PKNOX2: variants seen among roughly 807,000 people sequenced by gnomAD.
PKNOX2 encodes PBX/knotted 1 homeobox 2, also known as homeobox protein PKNOX2.
Under a neutral mutation model 53.1 loss-of-function variants are expected in PKNOX2, and 14 were observed. That is an observed-to-expected ratio of 0.26 (90% confidence interval 0.17 to 0.41). The LOEUF (loss-of-function observed/expected upper bound fraction) is 0.41. Ranked by LOEUF, PKNOX2 falls within the 10% of genes least tolerant of loss-of-function variation. The pLI, the probability that PKNOX2 is intolerant of heterozygous loss-of-function variation, is 1.00. For missense variants in PKNOX2, 496 were observed against 602.8 expected, an observed-to-expected ratio of 0.82 and a Z score of 1.85; for synonymous variants, 257 against 242.8, an observed-to-expected ratio of 1.06 and a Z score of -0.54.
chr11:125,406,908 A>C (rs917799661), intron 7 of PKNOX2, among the ~76,000 whole-genome samples: 1 of 137,886 alleles, frequency 7.3e-6, no homozygotes, highest in African/African-American at 2.8e-5. Flanking sequence ...GGCCCTGAGA[A>C]TCTATGTCTA....
At chr11:125,213,686 G>A (rs1176653919) in intron 1 of PKNOX2, among the ~76,000 whole-genome samples, 1 of 152,060 alleles carries the variant, frequency 6.6e-6, no homozygotes. Context: ...TTGAACTCTT[G>A]GGCTCAAGTG....
At chr11:125,310,726 G>T (rs1365869061) in intron 2 of PKNOX2, among the ~76,000 whole-genome samples, 1 of 151,972 alleles carries the variant, frequency 6.6e-6, no homozygotes, top group African/African-American at 2.4e-5. Context: ...CATACTCCAA[G>T]ATATAATTTG....
chr11:125,274,674 C>T (rs1024508455), intron 2 of PKNOX2, among the ~76,000 whole-genome samples: 4 of 152,230 alleles, frequency 2.6e-5, no homozygotes. Context: ...AGGCCCAGGC[C>T]AGGACGCTGG....
At chr11:125,411,082 G>A in intron 9 of PKNOX2, 1 of 529,412 alleles carries the variant, frequency 1.9e-6, no homozygotes, top group South Asian at 2.2e-5. Context: ...CCCTCCTGGG[G>A]TTACATCAAA....
chr11:125,221,818 C>T (rs556490347), intron 1 of PKNOX2, among the ~76,000 whole-genome samples: 5 of 152,180 alleles, frequency 3.3e-5, no homozygotes, highest in South Asian at 4.2e-4. Flanking sequence ...TCCTCCTCCC[C>T]GACCACCCCG....
chr11:125,311,406 G>A (rs1048951468), intron 2 of PKNOX2, among the ~76,000 whole-genome samples: 4 of 152,076 alleles, frequency 2.6e-5, no homozygotes, highest in Non-Finnish European at 4.4e-5. Context: ...AATTGTCCCC[G>A]CCTTAGACAC....
intron 2 of PKNOX2, among the ~76,000 whole-genome samples, chr11:125,300,258 C>T (rs911764593): frequency 2.0e-5 from 3 of 152,192 alleles, no homozygotes; most frequent in Non-Finnish European, 2.9e-5. Flanking sequence ...TGTTTTGACC[C>T]CTCCCTACCA....
chr11:125,295,109 C>T (rs770087058), intron 2 of PKNOX2, among the ~76,000 whole-genome samples: 7 of 152,004 alleles, frequency 4.6e-5, no homozygotes, highest in Non-Finnish European at 8.8e-5. Context: ...GACATTCAGC[C>T]GTGGGACATA....
At chr11:125,251,188 A>C (rs921684939) in intron 2 of PKNOX2, among the ~76,000 whole-genome samples, 3 of 152,210 alleles carry the variant, frequency 2.0e-5, no homozygotes, top group Non-Finnish European at 2.9e-5. Context: ...GCTAAGGTTC[A>C]GTTCTAATTA....
intron 3 of PKNOX2, among the ~76,000 whole-genome samples, chr11:125,347,293 G>A (rs571002081): frequency 2.0e-5 from 3 of 152,174 alleles, no homozygotes; most frequent in African/African-American, 7.2e-5. Flanking sequence ...TGGCCAGAGA[G>A]TTCCCAATTA....
At chr11:125,172,179 C>G (rs1036989936) in intron 1 of PKNOX2, among the ~76,000 whole-genome samples, 1 of 152,182 alleles carries the variant, frequency 6.6e-6, no homozygotes, top group Non-Finnish European at 1.5e-5. Flanking sequence ...GCTTAGCCCC[C>G]TCTACCTATC....
chr11:125,254,882 G>A (rs1944295953), intron 2 of PKNOX2, among the ~76,000 whole-genome samples: 1 of 152,206 alleles, frequency 6.6e-6, no homozygotes, highest in Non-Finnish European at 1.5e-5. Context: ...CACAGTGCTG[G>A]ACAGTGGATG....
intron 1 of PKNOX2, among the ~76,000 whole-genome samples, chr11:125,232,887 G>T (rs1453316034): frequency 4.9e-5 from 7 of 141,628 alleles, no homozygotes; most frequent in Admixed American, 2.1e-4. Flanking sequence ...TTTTTGTTTT[G>T]TTTTGTTTTG....
chr11:125,178,614 GAAAGAAAGAAAGAAAGA>G (rs1955893139), intron 1 of PKNOX2, among the ~76,000 whole-genome samples: 1 of 60,772 alleles, frequency 1.6e-5, no homozygotes, highest in African/African-American at 1.1e-4. Context: ...AGGAAGGAAA[GAAAGAAAGAAAGAAAGA>G]AAGAAAGAAA....
At chr11:125,202,881 C>A (rs192357493) in intron 1 of PKNOX2, among the ~76,000 whole-genome samples, 18 of 152,292 alleles carry the variant, frequency 1.2e-4, no homozygotes, top group Admixed American at 1.1e-3. Flanking sequence ...TTCCTCTCTA[C>A]CCCCAGCTGC....
chr11:125,410,117 A>T, intron 7 of PKNOX2, 79 bp from the exon 8 acceptor site: 1 of 1,525,724 alleles, frequency 6.6e-7, no homozygotes, highest in South Asian at 1.3e-5. Context: ...GGAAGGGGAA[A>T]GGACGGAAGA....
chr11:125,322,417 T>C (rs1370606062), intron 2 of PKNOX2, among the ~76,000 whole-genome samples: 1 of 152,130 alleles, frequency 6.6e-6, no homozygotes, highest in African/African-American at 2.4e-5. Flanking sequence ...CCTGTCCTCT[T>C]CATCATTATG....
intron 2 of PKNOX2, among the ~76,000 whole-genome samples, chr11:125,262,120 G>A (rs1238982178): frequency 3.9e-5 from 6 of 152,202 alleles, no homozygotes; most frequent in Non-Finnish European, 8.8e-5. Context: ...GGGAGAAGTG[G>A]GCCCACCTGC....
intron 2 of PKNOX2, among the ~76,000 whole-genome samples, chr11:125,243,957 A>G (rs1315090373): frequency 6.6e-6 from 1 of 152,134 alleles, no homozygotes; most frequent in Non-Finnish European, 1.5e-5. Flanking sequence ...CTCTCTTACC[A>G]GTGTGCACTG....
Sources: allele counts gnomAD v4.1 joint callset (sites outside exome capture counted in the v4.1 genomes callset), GRCh38; gene constraint gnomAD v4.1.1; transcripts MANE v1.5; gene names NCBI Gene and HGNC (gene_info 2026-07-23, HGNC 2026-07-21).